Variants in SLC24A2 observed in about 807,000 individuals in gnomAD.
SLC24A2 encodes sodium/potassium/calcium exchanger 2.
SLC24A2 carries 36 observed loss-of-function variants against 62.0 expected under a neutral mutation model. The observed-to-expected ratio is 0.58, with a 90% confidence interval of 0.44 to 0.77. The LOEUF (loss-of-function observed/expected upper bound fraction) is 0.77. Among genes scored for constraint, SLC24A2 ranks in the 30% least tolerant of loss-of-function variants. SLC24A2 has a pLI of 0.00. For synonymous variants in SLC24A2, 358 were observed against 294.0 expected (o/e 1.22, Z -2.23); for missense variants, 846 against 817.9 (o/e 1.03, Z -0.42).
chr9:19,874,756 C>T, the SLC24A2 span, among the ~76,000 whole-genome samples: 1,208 of 152,226 alleles, frequency 7.9e-3, 22 homozygotes, highest in African/African-American at 0.028. Context: ...GCTTTGTCTG[C>T]GTCTGAGTTA....
chr9:19,864,974 A>G, the SLC24A2 span, among the ~76,000 whole-genome samples: 2 of 152,142 alleles, frequency 1.3e-5, no homozygotes, highest in African/African-American at 4.8e-5. Context: ...AGAATTGATA[A>G]ATTTAATAAA....
the SLC24A2 span, among the ~76,000 whole-genome samples, chr9:19,994,174 G>A: frequency 2.6e-5 from 4 of 152,146 alleles, no homozygotes; most frequent in South Asian, 8.3e-4. Flanking sequence ...ATTAAATGGA[G>A]TGATGACAAT....
chr9:19,528,831 C>G (rs1745164973), intron 8 of SLC24A2, among the ~76,000 whole-genome samples: 1 of 152,140 alleles, frequency 6.6e-6, no homozygotes. Flanking sequence ...ACATTGCTCT[C>G]AAGAATGTTT....
chr9:19,900,558 G>C, the SLC24A2 span, among the ~76,000 whole-genome samples: 6 of 152,104 alleles, frequency 3.9e-5, no homozygotes, highest in African/African-American at 1.4e-4. Context: ...TATCTCTTAT[G>C]AGTCTCAGTT....
At chr9:20,189,902 A>G in the SLC24A2 span, among the ~76,000 whole-genome samples, 3 of 152,298 alleles carry the variant, frequency 2.0e-5, no homozygotes, top group Admixed American at 6.5e-5. Flanking sequence ...ACCTGCCTGG[A>G]GCAGCATTCT....
the SLC24A2 span, among the ~76,000 whole-genome samples, chr9:20,242,949 T>C: frequency 6.6e-6 from 1 of 152,120 alleles, no homozygotes; most frequent in African/African-American, 2.4e-5. Flanking sequence ...AAATAACCAA[T>C]CTACAAGCCA....
chr9:19,593,437 G>A (rs1256230882), intron 5 of SLC24A2, among the ~76,000 whole-genome samples: 2 of 152,150 alleles, frequency 1.3e-5, no homozygotes, highest in African/African-American at 4.8e-5. Flanking sequence ...AGGTTCTAGA[G>A]CATCTTAGGG....
intron 5 of SLC24A2, among the ~76,000 whole-genome samples, chr9:19,596,740 G>T (rs946082298): frequency 1.3e-5 from 2 of 152,168 alleles, no homozygotes; most frequent in African/African-American, 4.8e-5. Context: ...AGGGAGACAG[G>T]CCATGAGCCT....
rs377692110 is a variant in SLC24A2 at position 19,551,698 on chromosome 9, C to T, written c.1348-1430G>A. ...GCGCCCCCCTCCAGCACCTGTGTCC[C>T]TACAGAGGTGGCATGAGGGGCAGGC... On this transcript the variant is annotated intron_variant, in intron 7 of 10. Transcript: ENST00000341998. Among the ~76,000 whole-genome samples the T allele has an allele frequency of 2.6e-3, 394 of 152,306 alleles. 3 individuals carry two copies. The highest frequency in any genetic ancestry group is 9.3e-3 in the African/African-American group (385 of 41,560).
chr9:19,518,378 T>C (rs1270774734), intron 10 of SLC24A2, among the ~76,000 whole-genome samples: 3 of 152,122 alleles, frequency 2.0e-5, no homozygotes, highest in Non-Finnish European at 2.9e-5. Flanking sequence ...TGGTGAGTTA[T>C]TGATCTTTAA....
At chr9:20,239,857 T>G in the SLC24A2 span, among the ~76,000 whole-genome samples, 1 of 149,448 alleles carries the variant, frequency 6.7e-6, no homozygotes, top group South Asian at 2.2e-4. Flanking sequence ...TGAAAATGCT[T>G]GAGTTTCCTT....
the SLC24A2 span, among the ~76,000 whole-genome samples, chr9:20,269,061 T>C: frequency 6.6e-6 from 1 of 152,200 alleles, no homozygotes; most frequent in Non-Finnish European, 1.5e-5. Context: ...TATTTCCTGC[T>C]TTGACAATTT....
At chr9:20,077,328 A>G in the SLC24A2 span, among the ~76,000 whole-genome samples, 151,576 of 152,314 alleles carry the variant, frequency 1, 75,422 homozygotes, top group Middle Eastern at 1. Context: ...TGAGATGATA[A>G]CTATGTTAAT....
At chr9:19,856,465 GT>G in the SLC24A2 span, among the ~76,000 whole-genome samples, 1 of 152,036 alleles carries the variant, frequency 6.6e-6, no homozygotes, top group Admixed American at 6.5e-5. Context: ...TTTGGATGGG[GT>G]TTTTGTGGGG....
chr9:20,197,030 C>G, the SLC24A2 span, among the ~76,000 whole-genome samples: 2 of 152,156 alleles, frequency 1.3e-5, no homozygotes, highest in African/African-American at 4.8e-5. Context: ...ATTTACACAG[C>G]CCTTCTTCTA....
the SLC24A2 span, among the ~76,000 whole-genome samples, chr9:20,069,486 C>G: frequency 6.6e-6 from 1 of 152,124 alleles, no homozygotes; most frequent in South Asian, 2.1e-4. Flanking sequence ...ACAAATTGTC[C>G]TAAAGCAAAT....
the SLC24A2 span, among the ~76,000 whole-genome samples, chr9:19,874,597 A>G: frequency 6.6e-6 from 1 of 152,200 alleles, no homozygotes; most frequent in East Asian, 1.9e-4. Flanking sequence ...TTTCATGTCA[A>G]TGTCTGAAAA....
At chr9:20,296,150 G>A in the SLC24A2 span, among the ~76,000 whole-genome samples, 3 of 152,206 alleles carry the variant, frequency 2.0e-5, no homozygotes, top group Non-Finnish European at 4.4e-5. Context: ...CAATAGCCAA[G>A]CAATATCCAG....
rs531434318 is a variant in SLC24A2, at chr9:19,512,122, C to T, written c.*4031G>A. 1 of 152,146 alleles carries T rather than the reference C, an allele frequency of 6.6e-6. No individual in the cohort carries two copies. The highest frequency in any genetic ancestry group is 1.5e-5 in the Non-Finnish European group (1 of 68,040). 9.4% of individuals were successfully genotyped at this position (152,146 alleles called of 1,614,324 possible). On this transcript the variant is annotated 3_prime_UTR_variant, in exon 11 of 11. Coordinates refer to ENST00000341998, the MANE Select transcript of SLC24A2 (RefSeq NM_020344.4). The stretch of plus-strand genomic sequence containing the variant: ...TAGCTCATCTCTTCTCTCACTGTTC[C>T]AGAGGCCTTTAAAAGCTATGTGCAG...
Sources: gnomAD v4.1 joint callset for allele counts (sites outside exome capture counted in the v4.1 genomes callset) on GRCh38, gnomAD v4.1.1 for gene constraint, MANE v1.5 for transcripts, NCBI Gene and HGNC (gene_info 2026-07-23, HGNC 2026-07-21) for gene names.